Variants in RMST observed in about 807,000 individuals in gnomAD.
RMST encodes long intergenic non-protein coding RNA 54.
At chr12:97,506,325 G>T (rs974498928) in intron 10 of RMST, among the ~76,000 whole-genome samples, 15 of 151,672 alleles carry the variant, frequency 9.9e-5, no homozygotes, top group Non-Finnish European at 1.5e-5. Flanking sequence ...GAGACATATT[G>T]AAATCAAAAT....
At chr12:97,527,573 T>A (rs1451027663) in intron 10 of RMST, among the ~76,000 whole-genome samples, 1 of 152,146 alleles carries the variant, frequency 6.6e-6, no homozygotes, top group African/African-American at 2.4e-5. Flanking sequence ...CAATGCCAAT[T>A]TCTCCAGGTC....
chr12:97,495,647 C>G (rs1877331824), intron 9 of RMST, among the ~76,000 whole-genome samples: 1 of 152,008 alleles, frequency 6.6e-6, no homozygotes, highest in Non-Finnish European at 1.5e-5. Context: ...TACAGCCATT[C>G]TCTCTTTGGG....
At chr12:97,559,088 T>TTC (rs56136727) in intron 11 of RMST, among the ~76,000 whole-genome samples, 56,611 of 146,482 alleles carry the variant, frequency 0.39, 12,076 homozygotes, top group Non-Finnish European at 0.52. Context: ...ATTTCGAGGT[T>TTC]TCTCTCTCTC....
At chr12:97,480,324 T>A (rs1258307170) in intron 5 of RMST, among the ~76,000 whole-genome samples, 1 of 152,076 alleles carries the variant, frequency 6.6e-6, no homozygotes, top group East Asian at 1.9e-4. Context: ...TCTTCTGACC[T>A]CGTGATCTGC....
At chr12:97,480,934 AC>A (rs2136419556) in intron 5 of RMST, among the ~76,000 whole-genome samples, 1 of 152,260 alleles carries the variant, frequency 6.6e-6, no homozygotes, top group African/African-American at 2.4e-5. Context: ...AATACCCCGT[AC>A]ATAATCCAGT....
intron 10 of RMST, among the ~76,000 whole-genome samples, chr12:97,498,600 TA>T (rs5800311): frequency 0.83 from 126,750 of 152,092 alleles, 53,287 homozygotes; most frequent in African/African-American, 0.92. Flanking sequence ...GCATTATGAT[TA>T]AAAAAAATGT....
chr12:97,486,271 A>T (rs1377092811), intron 5 of RMST, among the ~76,000 whole-genome samples: 1 of 152,218 alleles, frequency 6.6e-6, no homozygotes. Context: ...TGGGCTTGAT[A>T]ATCACCTCTG....
intron 10 of RMST, among the ~76,000 whole-genome samples, chr12:97,501,337 C>T (rs1246073823): frequency 1.3e-5 from 2 of 152,160 alleles, no homozygotes; most frequent in African/African-American, 4.8e-5. Context: ...AATATACCCA[C>T]AGGAATTAAA....
chr12:97,512,932 C>T (rs1879546398), intron 10 of RMST, among the ~76,000 whole-genome samples: 1 of 152,192 alleles, frequency 6.6e-6, no homozygotes, highest in East Asian at 1.9e-4. Flanking sequence ...CCCTGCCCAG[C>T]GGGAAGGCAG....
At chr12:97,475,914 A>G (rs1017853711) in intron 5 of RMST, among the ~76,000 whole-genome samples, 6 of 152,206 alleles carry the variant, frequency 3.9e-5, no homozygotes, top group African/African-American at 1.4e-4. Context: ...TTAAAGCTGT[A>G]ATTTCTATTT....
chr12:97,511,822 G>A (rs1879334054), intron 10 of RMST, among the ~76,000 whole-genome samples: 1 of 152,186 alleles, frequency 6.6e-6, no homozygotes, highest in African/African-American at 2.4e-5. Flanking sequence ...AAGTCTCATA[G>A]GCTAACTAGG....
chr12:97,471,403 G>C (rs1213292740), intron 5 of RMST, among the ~76,000 whole-genome samples: 1 of 152,132 alleles, frequency 6.6e-6, no homozygotes, highest in Non-Finnish European at 1.5e-5. Flanking sequence ...ATTCCTACCT[G>C]CTAGTGGAGA....
At chr12:97,543,896 C>T (rs1366525683) in intron 11 of RMST, among the ~76,000 whole-genome samples, 2 of 151,984 alleles carry the variant, frequency 1.3e-5, no homozygotes, top group Admixed American at 6.6e-5. Flanking sequence ...GAAAGCTATC[C>T]TATAGCCATG....
intron 11 of RMST, among the ~76,000 whole-genome samples, chr12:97,543,476 G>T (rs373493055): frequency 6.6e-6 from 1 of 151,870 alleles, no homozygotes; most frequent in South Asian, 2.1e-4. Flanking sequence ...CATAATGAGC[G>T]CTCTATATAT....
intron 10 of RMST, among the ~76,000 whole-genome samples, chr12:97,501,259 C>A (rs952610255): frequency 1.3e-5 from 2 of 152,148 alleles, no homozygotes; most frequent in Non-Finnish European, 2.9e-5. Flanking sequence ...CACAGTTAAA[C>A]GTTAAAAGTC....
intron 10 of RMST, among the ~76,000 whole-genome samples, chr12:97,497,676 A>T (rs1877595681): frequency 6.9e-6 from 1 of 145,926 alleles, no homozygotes; most frequent in African/African-American, 2.7e-5. Context: ...GGGCACAAGG[A>T]TGATTTTTTT....
intron 11 of RMST, among the ~76,000 whole-genome samples, chr12:97,551,174 A>T (rs1047946644): frequency 2.6e-4 from 39 of 149,412 alleles, no homozygotes; most frequent in South Asian, 4.2e-4. Context: ...TTGTTTTTAA[A>T]AAAAAAAAAA....
chr12:97,479,328 T>G (rs1874945265), intron 5 of RMST, among the ~76,000 whole-genome samples: 1 of 151,956 alleles, frequency 6.6e-6, no homozygotes. Context: ...TTTATTAATT[T>G]TTTTGTAGAG....
intron 10 of RMST, among the ~76,000 whole-genome samples, chr12:97,506,500 C>G (rs76745631): frequency 0.02 from 3,067 of 152,084 alleles, 101 homozygotes; most frequent in African/African-American, 0.07. Flanking sequence ...AATTATCTGT[C>G]TTTTAGGACA....
Sources: gnomAD v4.1 joint callset for allele counts (sites outside exome capture counted in the v4.1 genomes callset) on GRCh38, gnomAD v4.1.1 for gene constraint, MANE v1.5 for transcripts, NCBI Gene and HGNC (gene_info 2026-07-23, HGNC 2026-07-21) for gene names.